COL25A1: variants seen among roughly 807,000 people sequenced by gnomAD.
COL25A1 encodes the protein collagen type XXV alpha 1 chain.
A neutral mutation model predicts 128.4 loss-of-function variants in COL25A1; 103 were observed. That is an observed-to-expected ratio of 0.80 (90% CI 0.68 to 0.94). COL25A1 has a LOEUF of 0.94. Ranked by LOEUF, COL25A1 falls within the 40% of genes least tolerant of loss-of-function variation. The probability of loss-of-function intolerance (pLI) is 0.00; values close to 1 mark genes in which losing one functional copy is unlikely to be tolerated. For synonymous variants in COL25A1, 279 were observed against 277.2 expected (o/e 1.01, Z -0.06); for missense variants, 745 against 840.0 (o/e 0.89, Z 1.40).
chr4:109,213,424 G>A (rs1206423939), intron 3 of COL25A1, among the ~76,000 whole-genome samples: 1 of 152,164 alleles, frequency 6.6e-6, no homozygotes, highest in Non-Finnish European at 1.5e-5. Context: ...CAGTGTCTGG[G>A]CCTTAGGATG....
chr4:108,968,043 T>G (rs1751515176), intron 8 of COL25A1, among the ~76,000 whole-genome samples: 1 of 152,136 alleles, frequency 6.6e-6, no homozygotes, highest in Non-Finnish European at 1.5e-5. Flanking sequence ...AAGAATGAAT[T>G]AAAGATTAGT....
intron 3 of COL25A1, among the ~76,000 whole-genome samples, chr4:109,209,489 A>G (rs746271385): frequency 2.0e-5 from 3 of 152,170 alleles, no homozygotes; most frequent in Non-Finnish European, 4.4e-5. Context: ...AGATTAACCA[A>G]TCAACTCTAT....
At chr4:108,901,273 G>A (rs570711017) in intron 13 of COL25A1, 101 bp from the exon 14 acceptor site, 2 of 835,144 alleles carry the variant, frequency 2.4e-6, no homozygotes, top group Non-Finnish European at 3.9e-6. Flanking sequence ...TCTAGAAATA[G>A]ATAAAGAATA....
At chr4:108,918,291 T>C in intron 12 of COL25A1, 75 bp from the exon 13 acceptor site, 1 of 1,089,556 alleles carries the variant, frequency 9.2e-7, no homozygotes, top group South Asian at 1.5e-5. Context: ...ATTGTATTAG[T>C]TATGTAAGCC....
At chr4:109,128,663 C>T (rs1180769366) in intron 3 of COL25A1, among the ~76,000 whole-genome samples, 1 of 152,174 alleles carries the variant, frequency 6.6e-6, no homozygotes, top group Non-Finnish European at 1.5e-5. Flanking sequence ...CTGTGTATCC[C>T]AGAGTAGGAC....
At chr4:109,229,960 T>C (rs1010199462) in intron 3 of COL25A1, among the ~76,000 whole-genome samples, 1 of 152,100 alleles carries the variant, frequency 6.6e-6, no homozygotes, top group Non-Finnish European at 1.5e-5. Context: ...CTTTTACTCA[T>C]GGTGGAAGGT....
chr4:108,890,410 T>C (rs1009639480), intron 16 of COL25A1, among the ~76,000 whole-genome samples: 4 of 152,202 alleles, frequency 2.6e-5, no homozygotes, highest in Non-Finnish European at 5.9e-5. Flanking sequence ...AGAGAAAGTC[T>C]TGAGAATCTG....
At chr4:108,999,290 CAA>C (rs1755113595) in intron 6 of COL25A1, among the ~76,000 whole-genome samples, 1 of 151,976 alleles carries the variant, frequency 6.6e-6, no homozygotes, top group South Asian at 2.1e-4. Context: ...ACAACCCCAT[CAA>C]AAAGTGGGCA....
In COL25A1 at chr4:109,292,697, A is replaced by C. The variant is rs141996742; in HGVS notation, c.367+7886T>G. On this transcript the variant is annotated intron_variant, in intron 3 of 37. Transcript: ENST00000399132. Reference sequence around the variant, plus strand: ...TAGAACAGAATTATACCATGAGACCACTTACCAGTTAGCATGTGTCAGGAT... The same window carrying C: ...TAGAACAGAATTATACCATGAGACCCCTTACCAGTTAGCATGTGTCAGGAT... Among the ~76,000 whole-genome samples the C allele has an allele frequency of 3.2e-3, 489 of 152,158 alleles. 6 individuals are homozygous for C. The highest frequency in any genetic ancestry group is 0.011 in the African/African-American group (450 of 41,526).
chr4:109,153,527 T>A (rs2126106110), intron 3 of COL25A1, among the ~76,000 whole-genome samples: 1 of 152,268 alleles, frequency 6.6e-6, no homozygotes, highest in Admixed American at 6.5e-5. Flanking sequence ...TTCATGATAA[T>A]GCTGACGCCT....
rs1268951062 is a variant in COL25A1, at chr4:109,019,373, CACATATAT to C, written c.421-9006_421-8999del. On this transcript the variant is annotated intron_variant, in intron 5 of 37. Transcript: ENST00000399132. ...ATACACACACACACACACACACACA[CACATATAT>C]ATATATATATATATATATTTATATG... 4.3e-3 allele frequency among the ~76,000 whole-genome samples: 136 copies of C among 31,890 alleles called. 1 individual carries two copies. Among genetic ancestry groups the C allele is most frequent in the Admixed American group, 8.3e-3 (21 of 2,536 alleles). The allele number at this position is 31,890 out of a possible 152,430, so 20.9% of individuals were successfully genotyped here.
chr4:109,088,445 A>C (rs1411032367), intron 3 of COL25A1, among the ~76,000 whole-genome samples: 1 of 152,160 alleles, frequency 6.6e-6, no homozygotes, highest in Non-Finnish European at 1.5e-5. Flanking sequence ...GAATTGTATA[A>C]ATTTATGGGG....
At chr4:109,274,898 G>A (rs1490868819) in intron 3 of COL25A1, among the ~76,000 whole-genome samples, 1 of 152,168 alleles carries the variant, frequency 6.6e-6, no homozygotes, top group African/African-American at 2.4e-5. Context: ...TTTTCAGTGT[G>A]TGTCGGCACA....
chr4:108,874,378 T>TA (rs1739173101), intron 19 of COL25A1, among the ~76,000 whole-genome samples: 1 of 152,166 alleles, frequency 6.6e-6, no homozygotes, highest in Non-Finnish European at 1.5e-5. Flanking sequence ...TTTGTCTGAG[T>TA]AGACAAAGTG....
At chr4:109,050,311 G>GTCTT in intron 3 of COL25A1, 132 bp from the exon 4 acceptor site, 1 of 627,480 alleles carries the variant, frequency 1.6e-6, no homozygotes, top group Non-Finnish European at 2.7e-6. Flanking sequence ...TCAGATATTT[G>GTCTT]TAAAGGTCAG....
intron 11 of COL25A1, among the ~76,000 whole-genome samples, chr4:108,933,142 T>C (rs938463148): frequency 2.0e-5 from 3 of 152,198 alleles, no homozygotes; most frequent in Non-Finnish European, 2.9e-5. Flanking sequence ...AAACTATATA[T>C]CTTAGATTAT....
intron 3 of COL25A1, among the ~76,000 whole-genome samples, chr4:109,077,076 C>A (rs1047437699): frequency 6.6e-5 from 10 of 152,136 alleles, no homozygotes; most frequent in Admixed American, 5.9e-4. Context: ...GCAATGATTG[C>A]TCTTGCTGTG....
intron 6 of COL25A1, among the ~76,000 whole-genome samples, chr4:108,997,323 C>G (rs1319059603): frequency 2.0e-5 from 3 of 152,076 alleles, no homozygotes; most frequent in Non-Finnish European, 4.4e-5. Flanking sequence ...ATACAAACTA[C>G]CATCAGAGAA....
intron 3 of COL25A1, among the ~76,000 whole-genome samples, chr4:109,253,090 A>G (rs1001163905): frequency 3.9e-5 from 6 of 152,224 alleles, no homozygotes; most frequent in Admixed American, 1.3e-4. Flanking sequence ...GAGAAAGCCA[A>G]TTCCAGAAAC....
Sources: gnomAD v4.1 joint callset for allele counts (sites outside exome capture counted in the v4.1 genomes callset) on GRCh38, gnomAD v4.1.1 for gene constraint, MANE v1.5 for transcripts, NCBI Gene and HGNC (gene_info 2026-07-23, HGNC 2026-07-21) for gene names.